The following SGPL1 variants were observed in gnomAD, a reference collection of about 807,000 sequenced individuals.
The protein encoded by SGPL1 is SP-lyase 1.
SGPL1 carries 37 observed loss-of-function variants against 68.9 expected under a neutral mutation model. The ratio of observed to expected loss-of-function variants is 0.54; its 90% CI spans 0.41 to 0.71. The LOEUF is 0.71. SGPL1 is among the 30% of genes least tolerant of loss of function. SGPL1 has a pLI of 0.00. For missense variants in SGPL1, 551 were observed against 704.6 expected (o/e 0.78, Z 2.47); for synonymous variants, 236 against 248.5 (o/e 0.95, Z 0.47).
intron 4 of SGPL1, among the ~76,000 whole-genome samples, chr10:70,854,011 C>T (rs868742290): frequency 1.3e-5 from 2 of 152,178 alleles, no homozygotes; most frequent in African/African-American, 4.8e-5. Context: ...CCTAGTTATA[C>T]CTTTGATTCT....
chr10:70,852,559 C>T (rs1385887929), intron 4 of SGPL1, among the ~76,000 whole-genome samples: 1 of 152,004 alleles, frequency 6.6e-6, no homozygotes, highest in Non-Finnish European at 1.5e-5. Context: ...GACTTTGAGA[C>T]AAATAAATGC....
intron 2 of SGPL1, among the ~76,000 whole-genome samples, chr10:70,828,639 G>A (rs572351750): frequency 7.3e-4 from 111 of 152,270 alleles, no homozygotes; most frequent in Non-Finnish European, 1.3e-3. Context: ...TTTTGAGTAT[G>A]AAAAGGACCC....
intron 2 of SGPL1, among the ~76,000 whole-genome samples, chr10:70,818,498 C>T (rs1845280225): frequency 6.6e-6 from 1 of 152,222 alleles, no homozygotes; most frequent in South Asian, 2.1e-4. Flanking sequence ...TCATTTCTCT[C>T]TCTTTATCTC....
chr10:70,835,209 G>A (rs1296605010), intron 2 of SGPL1, among the ~76,000 whole-genome samples: 1 of 152,184 alleles, frequency 6.6e-6, no homozygotes, highest in Non-Finnish European at 1.5e-5. Context: ...GCTGTTTTAG[G>A]CAGTGTAGGA....
intron 14 of SGPL1, 43 bp downstream of exon 14, chr10:70,876,704 G>C (rs779933009): frequency 1.3e-6 from 2 of 1,575,654 alleles, no homozygotes; most frequent in Non-Finnish European, 8.7e-7. Context: ...GGAAATTTAG[G>C]TGTTGGTGGA....
intron 2 of SGPL1, among the ~76,000 whole-genome samples, chr10:70,826,642 A>G (rs1845443256): frequency 1.3e-5 from 2 of 152,204 alleles, no homozygotes; most frequent in South Asian, 2.1e-4. Flanking sequence ...CCTGTTACAA[A>G]TATTTCCTTT....
rs376708572 is a variant in SGPL1 at position 70,823,086 on chromosome 10, C to T, written c.27+6206C>T. Among the ~76,000 whole-genome samples the T allele has an allele frequency of 6.1e-3, 927 of 151,736 alleles. 5 individuals carry two copies. Among genetic ancestry groups the T allele is most frequent in the African/African-American group, 0.021 (880 of 41,310 alleles). ...CAAAGAATCAGCATGGGGAGTTTAC[C>T]GGAATGAGGACTGAAACACTTAGGA... On this transcript the variant is annotated intron_variant, in intron 2 of 14. Coordinates refer to ENST00000373202, the MANE Select transcript of SGPL1 (RefSeq NM_003901.4).
intron 4 of SGPL1, among the ~76,000 whole-genome samples, chr10:70,854,420 C>T (rs1677985765): frequency 2.0e-5 from 3 of 152,018 alleles, no homozygotes; most frequent in Admixed American, 2.0e-4. Context: ...AATGATCTGC[C>T]CACCTCGGCT....
At chr10:70,868,577 T>TG in intron 8 of SGPL1, 144 bp downstream of exon 8, 1 of 660,496 alleles carries the variant, frequency 1.5e-6, no homozygotes, top group Non-Finnish European at 2.7e-6. Flanking sequence ...CTAGCCCCTC[T>TG]GCCCTTATCC....
Position 70,824,998 on chromosome 10 carries a change from T to C in SGPL1, c.27+8118T>C, listed in dbSNP as rs557629107. 6.1e-5 allele frequency among the ~76,000 whole-genome samples: 9 copies of C among 148,006 alleles called. No homozygotes were observed. In the South Asian group the frequency reaches 1.9e-3, roughly 31 times the overall value. On this transcript the variant is annotated intron_variant, in intron 2 of 14. Coordinates refer to ENST00000373202, the MANE Select transcript of SGPL1 (RefSeq NM_003901.4). ...TTTTTTTTTTTGAGACAAGTCTTGC[T>C]CTGTCGCCCAGGCTAGAGTGCAGTG...
chr10:70,824,484 A>G (rs1228759248), intron 2 of SGPL1, among the ~76,000 whole-genome samples: 1 of 152,244 alleles, frequency 6.6e-6, no homozygotes, highest in African/African-American at 2.4e-5. Flanking sequence ...AGCAATACCT[A>G]TATTACAAAG....
intron 2 of SGPL1, among the ~76,000 whole-genome samples, chr10:70,842,216 C>T (rs997204119): frequency 6.6e-6 from 1 of 152,062 alleles, no homozygotes; most frequent in Non-Finnish European, 1.5e-5. Flanking sequence ...TTAGAGAATA[C>T]TGAAATGAAT....
At chr10:70,860,261 T>G (rs1168893045) in intron 7 of SGPL1, 1 of 398,290 alleles carries the variant, frequency 2.5e-6, no homozygotes, top group Non-Finnish European at 5.0e-6. Flanking sequence ...CTCAATATGC[T>G]GCAATGGTGT....
intron 5 of SGPL1, 79 bp downstream of exon 5, chr10:70,854,934 A>C: frequency 6.4e-6 from 8 of 1,250,258 alleles, no homozygotes; most frequent in Non-Finnish European, 8.7e-6. Flanking sequence ...CACATAGGTT[A>C]AGAATAACTC....
chr10:70,844,040 A>G (rs1277761485), intron 2 of SGPL1, among the ~76,000 whole-genome samples: 1 of 152,238 alleles, frequency 6.6e-6, no homozygotes, highest in African/African-American at 2.4e-5. Flanking sequence ...AAAATAATTT[A>G]GTATCAAGCT....
At chr10:70,822,644 G>A (rs578053223) in intron 2 of SGPL1, among the ~76,000 whole-genome samples, 2 of 152,310 alleles carry the variant, frequency 1.3e-5, no homozygotes, top group African/African-American at 2.4e-5. Flanking sequence ...TGAAGGCTGC[G>A]AGTAGTTTGT....
chr10:70,838,676 G>A (rs1477584917), intron 2 of SGPL1, among the ~76,000 whole-genome samples: 1 of 152,178 alleles, frequency 6.6e-6, no homozygotes, highest in Non-Finnish European at 1.5e-5. Context: ...TCACTCTGAA[G>A]CACTGCTTTT....
Position 70,851,104 on chromosome 10 carries a change from G to A in SGPL1, c.194-39G>A, listed in dbSNP as rs200376389. 3.9e-6 allele frequency: 6 copies of A among 1,549,752 alleles called. No individual in the cohort carries two copies. The East Asian group carries it at 1.3e-4, about 35-fold the overall frequency. On this transcript the variant is annotated intron_variant, in intron 3 of 14. Transcript: ENST00000373202. ...TGCTATATGCCAGGTCATATCCATG[G>A]AAATTTATTTGAATAAGAGAACCAT... is the stretch of plus-strand genomic sequence containing the variant.
chr10:70,824,861 T>C (rs548657227), intron 2 of SGPL1, among the ~76,000 whole-genome samples: 2 of 152,306 alleles, frequency 1.3e-5, no homozygotes, highest in South Asian at 2.1e-4. Flanking sequence ...AGACTAGTTC[T>C]GTGGAACCTT....
Sources: gnomAD v4.1 joint callset for allele counts (sites outside exome capture counted in the v4.1 genomes callset) on GRCh38, gnomAD v4.1.1 for gene constraint, MANE v1.5 for transcripts, NCBI Gene and HGNC (gene_info 2026-07-23, HGNC 2026-07-21) for gene names.